The following CEP57 variants were observed in gnomAD, a reference collection of about 807,000 sequenced individuals.
The protein encoded by CEP57 is centrosomal protein of 57 kDa.
In CEP57, 40 loss-of-function variants were observed where a neutral mutation model predicts 68.0. The ratio of observed to expected loss-of-function variants is 0.59; its 90% confidence interval spans 0.46 to 0.77. The LOEUF (loss-of-function observed/expected upper bound fraction) is 0.77, where lower values mean the gene tolerates loss of function less well. Among genes scored for constraint, CEP57 ranks in the 30% least tolerant of loss-of-function variants. The probability of loss-of-function intolerance (pLI) is 0.00; values close to 1 mark genes in which losing one functional copy is unlikely to be tolerated. For synonymous variants in CEP57, 219 were observed against 198.7 expected (o/e 1.10, Z -0.86); for missense variants, 606 against 580.7 (o/e 1.04, Z -0.45).
intron 2 of CEP57, among the ~76,000 whole-genome samples, chr11:95,804,398 A>C (rs1861705814): frequency 6.6e-6 from 1 of 152,240 alleles, no homozygotes; most frequent in Admixed American, 6.5e-5. Flanking sequence ...GGACAGTATT[A>C]GGAGTCTTGG....
At position 95,831,397 on chromosome 11, in the gene CEP57, A is replaced by G; in HGVS notation, c.*141A>G. The G allele has an allele frequency of 1.5e-6, 1 of 662,816 alleles. No individual in the cohort carries two copies. The highest frequency in any genetic ancestry group is 1.8e-5 in the African/African-American group (1 of 54,978). The allele number at this position is 662,816 out of a possible 1,614,324, so 41.1% of individuals were successfully genotyped here. On this transcript the variant is annotated 3_prime_UTR_variant, in exon 11 of 11. Coordinates refer to ENST00000325542, the MANE Select transcript of CEP57 (RefSeq NM_014679.5). The stretch of plus-strand genomic sequence containing the variant: ...TTAAAGGACCCAGGCTTCATTACAC[A>G]GGCTTTTCATGTATGCAGGATGACT...
rs778460518 is a variant in CEP57 at position 95,813,130 on chromosome 11, T to C, written c.382+19T>C. 1 of 1,607,464 alleles carries C rather than the reference T, an allele frequency of 6.2e-7. No individual in the cohort carries two copies. Among genetic ancestry groups the C allele is most frequent in the Non-Finnish European group, 8.5e-7 (1 of 1,176,446 alleles). ...AATCAAGGTTTGTTGATGAAGAAAA[T>C]TAAAATTCTATCAAAATAAGTGTTG... is the stretch of plus-strand genomic sequence containing the variant. On this transcript the variant is annotated intron_variant, in intron 3 of 10. Transcript: ENST00000325542.
At chr11:95,805,285 A>G (rs528107179) in intron 2 of CEP57, among the ~76,000 whole-genome samples, 17 of 152,354 alleles carry the variant, frequency 1.1e-4, no homozygotes, top group African/African-American at 3.8e-4. Flanking sequence ...TATTGCAGGT[A>G]TATAAAAGAA....
chr11:95,812,289 T>G (rs537477616), intron 2 of CEP57, among the ~76,000 whole-genome samples: 2 of 152,240 alleles, frequency 1.3e-5, no homozygotes, highest in Non-Finnish European at 2.9e-5. Context: ...GACAGTAATG[T>G]ACTTTAGGAC....
At chr11:95,827,309 T>C (rs488246) in intron 8 of CEP57, 48,096 of 169,882 alleles carry the variant, frequency 0.28, 8,170 homozygotes, top group Non-Finnish European at 0.38. Flanking sequence ...GAAATAGATA[T>C]GTAAAAGCAA....
At chr11:95,791,896 T>C (rs1861098966) in intron 1 of CEP57, among the ~76,000 whole-genome samples, 1 of 151,854 alleles carries the variant, frequency 6.6e-6, no homozygotes, top group African/African-American at 2.4e-5. Flanking sequence ...ATGAGGTGAA[T>C]TGGAAACGTA....
At chr11:95,792,419 G>A (rs1382981684) in intron 1 of CEP57, among the ~76,000 whole-genome samples, 1 of 152,196 alleles carries the variant, frequency 6.6e-6, no homozygotes, top group Non-Finnish European at 1.5e-5. Flanking sequence ...CACTGAGGCT[G>A]AAGTGAGGTA....
At chr11:95,791,908 G>A (rs1279096541) in intron 1 of CEP57, among the ~76,000 whole-genome samples, 3 of 152,240 alleles carry the variant, frequency 2.0e-5, no homozygotes, top group East Asian at 1.9e-4. Flanking sequence ...GGAAACGTAG[G>A]TAAAAACGTG....
intron 2 of CEP57, among the ~76,000 whole-genome samples, chr11:95,805,195 C>T (rs1861745271): frequency 6.6e-6 from 1 of 152,148 alleles, no homozygotes; most frequent in African/African-American, 2.4e-5. Context: ...GAATTTGCCT[C>T]TGATTCAGAA....
At chr11:95,829,148 A>G (rs772364767) in intron 9 of CEP57, 39 bp from the exon 10 acceptor site, 2 of 1,611,112 alleles carry the variant, frequency 1.2e-6, no homozygotes, top group Non-Finnish European at 1.7e-6. Flanking sequence ...CATGAAACAC[A>G]GAAAACTTAA....
At chr11:95,797,276 C>T (rs981127028) in intron 1 of CEP57, among the ~76,000 whole-genome samples, 8 of 151,816 alleles carry the variant, frequency 5.3e-5, no homozygotes, top group Middle Eastern at 6.8e-3. Context: ...AAGTGATTCT[C>T]CTGCCTTGGC....
chr11:95,829,141 G>C, intron 9 of CEP57, 46 bp from the exon 10 acceptor site: 3 of 1,606,890 alleles, frequency 1.9e-6, no homozygotes, highest in Non-Finnish European at 2.6e-6. Flanking sequence ...ACCTAACCAT[G>C]AAACACAGAA....
At chr11:95,796,503 G>A (rs1453006347) in intron 1 of CEP57, among the ~76,000 whole-genome samples, 1 of 152,220 alleles carries the variant, frequency 6.6e-6, no homozygotes, top group Non-Finnish European at 1.5e-5. Flanking sequence ...TTAAAGGGTT[G>A]TAGTGATTTT....
intron 6 of CEP57, 71 bp from the exon 7 acceptor site, chr11:95,821,800 A>G (rs1276071461): frequency 5.6e-6 from 6 of 1,064,438 alleles, no homozygotes; most frequent in Middle Eastern, 2.9e-4. Context: ...GGCTTTTTAC[A>G]TGACACATCT....
At chr11:95,792,137 G>A (rs923687820) in intron 1 of CEP57, among the ~76,000 whole-genome samples, 1 of 152,154 alleles carries the variant, frequency 6.6e-6, no homozygotes, top group African/African-American at 2.4e-5. Flanking sequence ...GAGGTCTGGG[G>A]AAGTTAAGGA....
At chr11:95,807,437 TTTGAACCCA>T (rs1861853325) in intron 2 of CEP57, among the ~76,000 whole-genome samples, 2 of 152,170 alleles carry the variant, frequency 1.3e-5, no homozygotes, top group Non-Finnish European at 2.9e-5. Context: ...AAGGAAGATA[TTTGAACCCA>T]TTGCAAAGAA....
At chr11:95,790,435 TA>T (rs1428481279), upstream of CEP57, 5 of 570,644 alleles carry the variant, frequency 8.8e-6, no homozygotes, top group Non-Finnish European at 1.6e-5. Context: ...GATTCTCTCC[TA>T]CTACAGAAAG....
At chr11:95,800,626 G>A (rs1228488403) in intron 2 of CEP57, among the ~76,000 whole-genome samples, 2 of 152,088 alleles carry the variant, frequency 1.3e-5, no homozygotes, top group East Asian at 1.9e-4. Flanking sequence ...TCTGGACCTC[G>A]TGATCCACCC....
intron 1 of CEP57, among the ~76,000 whole-genome samples, chr11:95,795,737 G>T (rs147429626): frequency 6.6e-6 from 1 of 152,118 alleles, no homozygotes; most frequent in Non-Finnish European, 1.5e-5. Flanking sequence ...GTTGACGATC[G>T]TATTGATATT....
Sources: gnomAD v4.1 joint callset for allele counts (sites outside exome capture counted in the v4.1 genomes callset) on GRCh38, gnomAD v4.1.1 for gene constraint, MANE v1.5 for transcripts, NCBI Gene and HGNC (gene_info 2026-07-23, HGNC 2026-07-21) for gene names.